The following PTPRN2 variants were observed in gnomAD, a reference collection of about 807,000 sequenced individuals.
PTPRN2 encodes receptor-type tyrosine-protein phosphatase N2.
PTPRN2 carries 74 observed loss-of-function variants against 118.8 expected under a neutral mutation model. The ratio of observed to expected loss-of-function variants is 0.62; its 90% CI spans 0.52 to 0.76. The LOEUF (loss-of-function observed/expected upper bound fraction) is 0.76, where lower values mean the gene tolerates loss of function less well. Ranked by LOEUF, PTPRN2 falls within the 30% of genes least tolerant of loss-of-function variation. The pLI is 0.00. For synonymous variants in PTPRN2, 641 were observed against 608.0 expected, an observed-to-expected ratio of 1.05 and a Z score of -0.80; for missense variants, 1,481 against 1,394.4, an observed-to-expected ratio of 1.06 and a Z score of -0.99.
chr7:157,713,925 C>T (rs941641235), intron 12 of PTPRN2, among the ~76,000 whole-genome samples: 19 of 152,300 alleles, frequency 1.2e-4, no homozygotes, highest in South Asian at 6.2e-4. Context: ...CACGAAGGAG[C>T]GGAAATACAA....
chr7:158,037,654 G>A (rs7810832), intron 11 of PTPRN2, among the ~76,000 whole-genome samples: 108,159 of 152,212 alleles, frequency 0.71, 40,122 homozygotes, highest in African/African-American at 0.92. Context: ...TGACTGAAAC[G>A]CTGTTATGTG....
In PTPRN2 at chr7:157,945,675, ATG is replaced by A. The variant is rs1341228187; in HGVS notation, c.1724-46940_1724-46939del. 2.3e-3 allele frequency among the ~76,000 whole-genome samples: 349 copies of A among 151,840 alleles called. 1 individual carries two copies. The highest frequency in any genetic ancestry group is 0.014 in the South Asian group (69 of 4,790). Reference sequence around the variant, plus strand: ...GACGATGCCGCCTCCAGCTTGGACGATGCCGCCTCCAGCTTGGACGATGTCAC... The same window carrying A: ...GACGATGCCGCCTCCAGCTTGGACGACCGCCTCCAGCTTGGACGATGTCAC... On this transcript the variant is annotated intron_variant, in intron 11 of 22. Transcript: ENST00000389418.
intron 1 of PTPRN2, among the ~76,000 whole-genome samples, chr7:158,573,322 C>A (rs922109816): frequency 1.3e-5 from 2 of 151,986 alleles, no homozygotes; most frequent in African/African-American, 2.4e-5. Flanking sequence ...GCTGAGGAGG[C>A]CAGAATAGAT....
intron 1 of PTPRN2, among the ~76,000 whole-genome samples, chr7:158,528,043 C>T (rs1824922568): frequency 6.6e-6 from 1 of 152,220 alleles, no homozygotes; most frequent in Non-Finnish European, 1.5e-5. Flanking sequence ...AGGGGGCAGG[C>T]AGGGACAGCC....
chr7:158,054,062 A>C (rs1158969216), intron 11 of PTPRN2, among the ~76,000 whole-genome samples: 1 of 151,792 alleles, frequency 6.6e-6, no homozygotes, highest in East Asian at 1.9e-4. Flanking sequence ...CAGAGATCCT[A>C]GAGATGGAGA....
At chr7:158,290,479 C>T (rs1800052843) in intron 3 of PTPRN2, among the ~76,000 whole-genome samples, 1 of 152,164 alleles carries the variant, frequency 6.6e-6, no homozygotes, top group Non-Finnish European at 1.5e-5. Flanking sequence ...GGTGTGGGGC[C>T]TGGGCCTGCA....
intron 2 of PTPRN2, among the ~76,000 whole-genome samples, chr7:158,363,202 A>G (rs551944885): frequency 1.5e-3 from 226 of 152,176 alleles, no homozygotes; most frequent in Middle Eastern, 3.4e-3. Context: ...GACACTAGGG[A>G]GGCCAGGAGA....
At chr7:157,650,319 G>A (rs1482466626) in intron 14 of PTPRN2, among the ~76,000 whole-genome samples, 1 of 152,370 alleles carries the variant, frequency 6.6e-6, no homozygotes, top group East Asian at 1.9e-4. Context: ...TGGGAAGGGG[G>A]GACTATGTAC....
At chr7:158,098,609 G>A (rs996903993) in intron 10 of PTPRN2, among the ~76,000 whole-genome samples, 6 of 152,192 alleles carry the variant, frequency 3.9e-5, no homozygotes, top group Non-Finnish European at 8.8e-5. Flanking sequence ...GAGGCTCCCC[G>A]AGGCACACGC....
intron 3 of PTPRN2, among the ~76,000 whole-genome samples, chr7:158,280,583 G>C (rs1247189243): frequency 4.6e-5 from 7 of 152,240 alleles, no homozygotes; most frequent in African/African-American, 1.7e-4. Flanking sequence ...GGAGAGGGCA[G>C]ATGGAGAGAG....
In PTPRN2 at chr7:158,003,357, T is replaced by G. The variant is rs1805411963; in HGVS notation, c.1723+77941A>C. ...TGAACCTGGGAGGCGGAGCTTGCAGTGAGCCGAGATCGCGCCACTGCACTC... is the reference window on the plus strand; with the variant it reads ...TGAACCTGGGAGGCGGAGCTTGCAGGGAGCCGAGATCGCGCCACTGCACTC... On this transcript the variant is annotated intron_variant, in intron 11 of 22. Transcript: ENST00000389418. This position sits in a 1 kb window ranked among gnomAD's most constrained non-coding sequence, Gnocchi z 5.0. Among the ~76,000 whole-genome samples, 1 of 136,988 alleles carries G rather than the reference T, an allele frequency of 7.3e-6. No individual in the cohort carries two copies. Among genetic ancestry groups the G allele is most frequent in the Admixed American group, 8.3e-5 (1 of 12,054 alleles). The allele number at this position is 136,988 out of a possible 152,430, so 89.9% of individuals were successfully genotyped here. A position where few individuals can be genotyped will look rare whatever the true frequency, so the allele number is the denominator to read the frequency against.
chr7:158,314,652 C>A (rs527640781), intron 3 of PTPRN2, among the ~76,000 whole-genome samples: 1 of 146,808 alleles, frequency 6.8e-6, no homozygotes, highest in Non-Finnish European at 1.5e-5. Flanking sequence ...AGCTGCCCGG[C>A]GCCCTGGCCC....
rs535393808 is a variant in PTPRN2, at chr7:157,583,494, G to A, written c.2497-5354C>T. On this transcript the variant is annotated intron_variant, in intron 17 of 22. Transcript: ENST00000389418. This position sits in a 1 kb window ranked among gnomAD's most constrained non-coding sequence, Gnocchi z 5.5. Reference sequence around the variant, plus strand: ...CCACACACAAAGAAACGGTAACTACGCGAGGAGACGTGTATTCATTAGCTT... The same window carrying A: ...CCACACACAAAGAAACGGTAACTACACGAGGAGACGTGTATTCATTAGCTT... Among the ~76,000 whole-genome samples, 1 of 152,150 alleles carries A rather than the reference G, an allele frequency of 6.6e-6. No individual in the cohort carries two copies. Among genetic ancestry groups the A allele is most frequent in the East Asian group, 1.9e-4 (1 of 5,192 alleles).
chr7:158,504,447 T>C (rs1317991071), intron 1 of PTPRN2, among the ~76,000 whole-genome samples: 1 of 152,048 alleles, frequency 6.6e-6, no homozygotes, highest in Non-Finnish European at 1.5e-5. Context: ...GAACATGCAG[T>C]GTTTGGTTTT....
intron 12 of PTPRN2, among the ~76,000 whole-genome samples, chr7:157,851,582 G>A (rs1350529240): frequency 2.7e-5 from 4 of 150,542 alleles, no homozygotes; most frequent in East Asian, 1.9e-4. Context: ...TCCATATCCC[G>A]AGGGAGGGAC....
rs987654495 is a variant in PTPRN2, at chr7:158,249,021, C to A, written c.278-43748G>T. ...CACACATGCAGCACATATGTGCATA[C>A]ATAAACACACGTGCACACATGCCAC... is the stretch of plus-strand genomic sequence containing the variant. On this transcript the variant is annotated intron_variant, in intron 3 of 22. Transcript: ENST00000389418. 1.9e-4 allele frequency among the ~76,000 whole-genome samples: 28 copies of A among 146,878 alleles called. 1 individual carries two copies. Among genetic ancestry groups the A allele is most frequent in the Admixed American group, 2.0e-4 (3 of 14,932 alleles).
At chr7:157,768,565 G>A (rs530689620) in intron 12 of PTPRN2, among the ~76,000 whole-genome samples, 1 of 152,280 alleles carries the variant, frequency 6.6e-6, no homozygotes, top group Admixed American at 6.5e-5. Flanking sequence ...TCCTGGAGAG[G>A]CCAAGGGGGC....
Position 157,829,373 on chromosome 7 carries a change from A to T in PTPRN2, c.1788+69300T>A, listed in dbSNP as rs559747589. On this transcript the variant is annotated intron_variant, in intron 12 of 22. Coordinates refer to ENST00000389418, the MANE Select transcript of PTPRN2 (RefSeq NM_002847.5). ...AAGTAGAAGTCCTTAAAAAAGACGAACATCAAACAGGTCCTCATCTGGGGC... is the reference window on the plus strand; with the variant it reads ...AAGTAGAAGTCCTTAAAAAAGACGATCATCAAACAGGTCCTCATCTGGGGC... 2.9e-4 allele frequency among the ~76,000 whole-genome samples: 44 copies of T among 152,276 alleles called. No individual in the cohort carries two copies. In the South Asian group the frequency reaches 8.7e-3, roughly 30 times the overall value.
chr7:157,853,035 G>A (rs889811937), intron 12 of PTPRN2, among the ~76,000 whole-genome samples: 5 of 152,126 alleles, frequency 3.3e-5, no homozygotes, highest in African/African-American at 1.2e-4. Context: ...ATGGGTGAAT[G>A]GGGAGGGTGG....
Sources: gnomAD v4.1 joint callset for allele counts (sites outside exome capture counted in the v4.1 genomes callset) on GRCh38, gnomAD v4.1.1 for gene constraint, Gnocchi (gnomAD v3.1) non-coding constraint, MANE v1.5 for transcripts, NCBI Gene and HGNC (gene_info 2026-07-23, HGNC 2026-07-21) for gene names.